The following NPLOC4 variants were observed in gnomAD, a reference collection of about 807,000 sequenced individuals.
The protein encoded by NPLOC4 is NPL4 homolog, ubiquitin recognition factor, also known as nuclear protein localization protein 4 homolog.
In NPLOC4, 18 loss-of-function variants were observed where a neutral mutation model predicts 80.6. The observed-to-expected ratio is 0.22, with a 90% CI of 0.15 to 0.33. The LOEUF is 0.33. NPLOC4 is among the 10% of genes least tolerant of loss of function. NPLOC4 has a pLI of 1.00. For missense variants in NPLOC4, 540 were observed against 786.1 expected (o/e 0.69, Z 3.74); for synonymous variants, 313 against 301.5 (o/e 1.04, Z -0.39).
At position 81,580,126 on chromosome 17, in the gene NPLOC4, T is replaced by G. The variant is rs2034400934; in HGVS notation, c.1282-8038A>C. On this transcript the variant is annotated intron_variant, in intron 12 of 16. Coordinates refer to ENST00000331134, the MANE Select transcript of NPLOC4 (RefSeq NM_017921.4). The surrounding 1 kb of genome is among the most constrained non-coding windows in gnomAD (Gnocchi z 4.4). Reference sequence around the variant, plus strand: ...TCATTCCCCCAAGGTGGGGTTCTCCTCAGCCATCCCCTCCAGGATGGACAA... The same window carrying G: ...TCATTCCCCCAAGGTGGGGTTCTCCGCAGCCATCCCCTCCAGGATGGACAA... Among the ~76,000 whole-genome samples the G allele has an allele frequency of 6.6e-6, 1 of 152,108 alleles. No individual in the cohort carries two copies. The highest frequency in any genetic ancestry group is 1.9e-4 in the East Asian group (1 of 5,176).
rs191601089 is a variant in NPLOC4, at chr17:81,582,283, C to T, written c.1281+6661G>A. ...AAGGGCAAAGCTGAAGATGCCTGCA[C>T]GTCACATCCGTACCAGGAGGTTTTC... On this transcript the variant is annotated intron_variant, in intron 12 of 16. Coordinates refer to ENST00000331134, the MANE Select transcript of NPLOC4 (RefSeq NM_017921.4). Among the ~76,000 whole-genome samples the T allele has an allele frequency of 2.9e-4, 44 of 152,326 alleles. No homozygotes were observed. In the East Asian group the frequency reaches 4.8e-3, roughly 17 times the overall value.
At position 81,564,118 on chromosome 17, in the gene NPLOC4, A is replaced by ACACACAC. The variant is rs1568114631; in HGVS notation, c.1669+1386_1669+1387insGTGTGTG. ...CACACACACACACACACACACACAC[A>ACACACAC]AAGAGCAGGGCGGGCTGAAAAACTA... is the stretch of plus-strand genomic sequence containing the variant. On this transcript the variant is annotated intron_variant, in intron 16 of 16. Transcript: ENST00000331134. 410 of 323,488 alleles carry ACACACAC rather than the reference A, an allele frequency of 1.3e-3. 1 individual carries two copies. Among genetic ancestry groups the ACACACAC allele is most frequent in the South Asian group, 1.8e-3 (79 of 44,444 alleles). 20.0% of individuals were successfully genotyped at this position (323,488 alleles called of 1,614,324 possible). A position where few individuals can be genotyped will look rare whatever the true frequency, so the allele number is the denominator to read the frequency against.
chr17:81,629,572 G>A (rs550309157), intron 2 of NPLOC4, among the ~76,000 whole-genome samples, 153 bp downstream of exon 2: 58 of 152,214 alleles, frequency 3.8e-4, no homozygotes, highest in African/African-American at 1.3e-3. Context: ...TCATCCTATA[G>A]CAATCCAACC....
intron 12 of NPLOC4, among the ~76,000 whole-genome samples, chr17:81,575,642 C>T (rs903877766): frequency 6.6e-6 from 1 of 152,068 alleles, no homozygotes; most frequent in African/African-American, 2.4e-5. Context: ...AGAGACTGGG[C>T]CCCCCACACT....
intron 12 of NPLOC4, among the ~76,000 whole-genome samples, chr17:81,585,960 G>T (rs2034572613): frequency 6.6e-6 from 1 of 152,218 alleles, no homozygotes; most frequent in African/African-American, 2.4e-5. Flanking sequence ...CTGCACTCCA[G>T]TCTGGGTGAC....
chr17:81,636,794 G>T, intron 1 of NPLOC4, 122 bp downstream of exon 1: 1 of 1,086,918 alleles, frequency 9.2e-7, no homozygotes, highest in Non-Finnish European at 1.2e-6. Flanking sequence ...AGAAAGCCCT[G>T]GCGAGAGAAG....
chr17:81,610,126 G>A (rs1406256696), intron 5 of NPLOC4, 84 bp downstream of exon 5: 15 of 1,254,816 alleles, frequency 1.2e-5, no homozygotes, highest in South Asian at 5.2e-5. Flanking sequence ...AGCCAAGTGC[G>A]TGGACTCAGG....
chr17:81,624,557 C>G (rs115241527), intron 2 of NPLOC4, among the ~76,000 whole-genome samples: 2,057 of 151,964 alleles, frequency 0.014, 51 homozygotes, highest in African/African-American at 0.047. Flanking sequence ...GAGATCACGC[C>G]ATTACACTCT....
At chr17:81,591,456 A>AAAC (rs762071616) in intron 11 of NPLOC4, among the ~76,000 whole-genome samples, 35 of 112,504 alleles carry the variant, frequency 3.1e-4, no homozygotes, top group Non-Finnish European at 1.3e-4. Context: ...AGAAAAAAAA[A>AAAC]AAAAAAAAAA....
intron 3 of NPLOC4, among the ~76,000 whole-genome samples, chr17:81,614,776 C>A (rs2077221408): frequency 6.6e-6 from 1 of 152,202 alleles, no homozygotes; most frequent in African/African-American, 2.4e-5. Context: ...ACAGAAGCCG[C>A]CTGGGGTCCC....
intron 1 of NPLOC4, among the ~76,000 whole-genome samples, chr17:81,632,756 C>G (rs929016209): frequency 6.6e-6 from 1 of 152,156 alleles, no homozygotes; most frequent in Non-Finnish European, 1.5e-5. Flanking sequence ...TGATACAGGA[C>G]AAAACACCAT....
chr17:81,591,049 C>G (rs1429923628), intron 11 of NPLOC4, among the ~76,000 whole-genome samples: 1 of 152,164 alleles, frequency 6.6e-6, no homozygotes, highest in Non-Finnish European at 1.5e-5. Flanking sequence ...ATAAATGACA[C>G]TGAAAGAATG....
intron 16 of NPLOC4, chr17:81,564,997 C>A (rs887299500): frequency 1.9e-5 from 7 of 365,084 alleles, no homozygotes; most frequent in Non-Finnish European, 3.0e-5. Context: ...AAGGTTCTCA[C>A]GAGTGGGGAA....
At chr17:81,620,696 A>C (rs574397582) in intron 3 of NPLOC4, among the ~76,000 whole-genome samples, 2 of 152,250 alleles carry the variant, frequency 1.3e-5, no homozygotes, top group South Asian at 4.1e-4. Context: ...GGGAGAAAAA[A>C]AGGCCAAGCA....
At chr17:81,594,370 A>AT (rs2034838436) in intron 11 of NPLOC4, among the ~76,000 whole-genome samples, 2 of 151,864 alleles carry the variant, frequency 1.3e-5, no homozygotes, top group Admixed American at 1.3e-4. Flanking sequence ...TTAACGTGTG[A>AT]AAGATGCCTA....
intron 1 of NPLOC4, among the ~76,000 whole-genome samples, chr17:81,635,987 T>C (rs2036060081): frequency 6.6e-6 from 1 of 151,402 alleles, no homozygotes; most frequent in Non-Finnish European, 1.5e-5. Flanking sequence ...TTTTTTTTTT[T>C]TTTGAGACGC....
chr17:81,635,922 G>A (rs1307050601), intron 1 of NPLOC4, among the ~76,000 whole-genome samples: 1 of 88,512 alleles, frequency 1.1e-5, no homozygotes, highest in Non-Finnish European at 1.9e-5. Context: ...ACGAGGGACT[G>A]GTTTTCTGAT....
At chr17:81,629,457 G>T (rs989242668) in intron 2 of NPLOC4, among the ~76,000 whole-genome samples, 42 of 152,064 alleles carry the variant, frequency 2.8e-4, no homozygotes, top group African/African-American at 1.0e-3. Flanking sequence ...CGAAGTGCTG[G>T]GATTACAGGT....
At chr17:81,585,668 G>C (rs965128644) in intron 12 of NPLOC4, among the ~76,000 whole-genome samples, 2 of 145,294 alleles carry the variant, frequency 1.4e-5, no homozygotes, top group South Asian at 2.3e-4. Flanking sequence ...TTCTGGGGGG[G>C]GGGGGAAAGA....
Sources: gnomAD v4.1 joint callset for allele counts (sites outside exome capture counted in the v4.1 genomes callset) on GRCh38, gnomAD v4.1.1 for gene constraint, Gnocchi (gnomAD v3.1) non-coding constraint, MANE v1.5 for transcripts, NCBI Gene and HGNC (gene_info 2026-07-23, HGNC 2026-07-21) for gene names.